The following DAB1 variants were observed in gnomAD, a reference collection of about 807,000 sequenced individuals.
DAB1 encodes the protein disabled homolog 1.
Under a neutral mutation model 64.6 loss-of-function variants are expected in DAB1, and 15 were observed. The ratio of observed to expected loss-of-function variants is 0.23; its 90% CI spans 0.16 to 0.36. DAB1 has a LOEUF of 0.36. DAB1 is among the 10% of genes least tolerant of loss of function. The pLI is 1.00. For synonymous variants in DAB1, 235 were observed against 251.9 expected (o/e 0.93, Z 0.64); for missense variants, 596 against 706.7 (o/e 0.84, Z 1.78).
At chr1:58,106,842 C>T (rs889684471) in intron 5 of DAB1, among the ~76,000 whole-genome samples, 1 of 130,326 alleles carries the variant, frequency 7.7e-6, no homozygotes, top group African/African-American at 3.1e-5. Context: ...CTCCCTCCTT[C>T]ATCCCTCCCT....
intron 10 of DAB1, 30 bp from the exon 11 acceptor site, chr1:57,023,669 T>G: frequency 7.0e-7 from 1 of 1,435,656 alleles, no homozygotes; most frequent in Non-Finnish European, 9.8e-7. Flanking sequence ...AGAGGACACA[T>G]GAGACCTGGC....
At chr1:58,310,249 A>G (rs1214046269) in intron 4 of DAB1, among the ~76,000 whole-genome samples, 2 of 152,176 alleles carry the variant, frequency 1.3e-5, no homozygotes, top group Non-Finnish European at 2.9e-5. Context: ...TTCTTCACAT[A>G]TAAGTTTTCT....
chr1:58,068,463 T>C (rs1015570560), intron 5 of DAB1, among the ~76,000 whole-genome samples: 4 of 152,132 alleles, frequency 2.6e-5, no homozygotes, highest in African/African-American at 9.7e-5. Flanking sequence ...AGAAAGATTA[T>C]AGGTTAAAAG....
chr1:57,310,409 G>A (rs1216217279), intron 1 of DAB1, among the ~76,000 whole-genome samples: 1 of 152,174 alleles, frequency 6.6e-6, no homozygotes, highest in East Asian at 1.9e-4. Context: ...GGAGATACTA[G>A]TATGGGACAC....
At chr1:57,187,752 T>C (rs1663719810) in intron 2 of DAB1, among the ~76,000 whole-genome samples, 1 of 151,072 alleles carries the variant, frequency 6.6e-6, no homozygotes, top group African/African-American at 2.5e-5. Context: ...GCTGGGATTC[T>C]ACTCAAAGTA....
chr1:58,380,220 T>G (rs111884010), intron 3 of DAB1, among the ~76,000 whole-genome samples: 2,152 of 152,288 alleles, frequency 0.014, 51 homozygotes, highest in African/African-American at 0.049. Context: ...GGGAGGTAAT[T>G]GGATCATGGG....
intron 3 of DAB1, among the ~76,000 whole-genome samples, chr1:58,414,910 T>A (rs1447114737): frequency 6.6e-6 from 1 of 152,144 alleles, no homozygotes; most frequent in Middle Eastern, 3.2e-3. Context: ...AAAATAAAAA[T>A]TTTAATAATA....
chr1:57,260,861 T>C (rs1670130279), intron 2 of DAB1, among the ~76,000 whole-genome samples: 1 of 152,196 alleles, frequency 6.6e-6, no homozygotes, highest in African/African-American at 2.4e-5. Context: ...AGTTGGTTTC[T>C]ACTGTAGAGC....
Position 56,997,577 on chromosome 1 carries a change from A to AG in DAB1, c.*566dup, listed in dbSNP as rs1472055455. ...TTTTCAAACATGACAAAAAAAGGAA[A>AG]GGGGGGAAAATGGCAGACCAGGCCC... On this transcript the variant is annotated 3_prime_UTR_variant, in exon 15 of 15. Coordinates refer to ENST00000371236, the MANE Select transcript of DAB1 (RefSeq NM_001365792.1). 6.6e-6 allele frequency: 1 copy of AG among 152,318 alleles called. No homozygotes were observed. Among genetic ancestry groups the AG allele is most frequent in the African/African-American group, 2.4e-5 (1 of 41,564 alleles). The allele number at this position is 152,318 out of a possible 1,614,324, so 9.4% of individuals were successfully genotyped here. A position where few individuals can be genotyped will look rare whatever the true frequency, so the allele number is the denominator to read the frequency against.
At chr1:57,428,637 T>C (rs964196111), upstream of DAB1, among the ~76,000 whole-genome samples, 2 of 152,150 alleles carry the variant, frequency 1.3e-5, no homozygotes, top group Non-Finnish European at 2.9e-5. Flanking sequence ...AGTGCAGATA[T>C]CTCCTTGAGA....
At chr1:57,632,781 T>TTAAA (rs1250970209) in intron 7 of DAB1, among the ~76,000 whole-genome samples, 1 of 152,152 alleles carries the variant, frequency 6.6e-6, no homozygotes, top group Non-Finnish European at 1.5e-5. Flanking sequence ...GAAGAAAATG[T>TTAAA]TAAAATAATA....
chr1:57,955,850 A>G (rs1373453856), intron 5 of DAB1, among the ~76,000 whole-genome samples: 1 of 152,182 alleles, frequency 6.6e-6, no homozygotes, highest in Non-Finnish European at 1.5e-5. Context: ...AAAAACACAA[A>G]TTAATATTTG....
chr1:57,127,827 A>C (rs970730765), intron 4 of DAB1, among the ~76,000 whole-genome samples: 1 of 152,200 alleles, frequency 6.6e-6, no homozygotes, highest in Non-Finnish European at 1.5e-5. Flanking sequence ...CCTGGCAATC[A>C]GTACTCAACA....
intron 4 of DAB1, among the ~76,000 whole-genome samples, chr1:58,208,741 C>T (rs978654646): frequency 6.6e-6 from 1 of 152,148 alleles, no homozygotes; most frequent in Non-Finnish European, 1.5e-5. Context: ...AATGGTGCTG[C>T]TACAAACGTG....
chr1:57,917,332 G>T (rs151067353), intron 5 of DAB1, among the ~76,000 whole-genome samples: 1 of 152,148 alleles, frequency 6.6e-6, no homozygotes, highest in Non-Finnish European at 1.5e-5. Context: ...GGTGTCAGCC[G>T]ACTGTACTTT....
chr1:57,695,282 A>AGAG (rs1557427595), intron 6 of DAB1, among the ~76,000 whole-genome samples: 2 of 105,748 alleles, frequency 1.9e-5, no homozygotes, highest in African/African-American at 4.1e-5. Context: ...GGAAGGAAGG[A>AGAG]AGAAAGGGAG....
chr1:57,839,765 C>A (rs1238248210), intron 1 of DAB1, among the ~76,000 whole-genome samples: 1 of 152,186 alleles, frequency 6.6e-6, no homozygotes, highest in East Asian at 1.9e-4. Flanking sequence ...CTACTCTGCT[C>A]TTGTCAATCC....
intron 7 of DAB1, among the ~76,000 whole-genome samples, chr1:57,575,123 G>C (rs960047880): frequency 3.3e-5 from 5 of 152,162 alleles, no homozygotes; most frequent in Non-Finnish European, 7.3e-5. Flanking sequence ...GGAGCACCAG[G>C]AACTGAGTGG....
chr1:57,128,118 G>T (rs1380222152), intron 4 of DAB1, among the ~76,000 whole-genome samples: 1 of 151,754 alleles, frequency 6.6e-6, no homozygotes, highest in Admixed American at 6.6e-5. Flanking sequence ...TGGCACTCCA[G>T]CCTGGGAGAT....
Sources: gnomAD v4.1 joint callset for allele counts (sites outside exome capture counted in the v4.1 genomes callset) on GRCh38, gnomAD v4.1.1 for gene constraint, MANE v1.5 for transcripts, NCBI Gene and HGNC (gene_info 2026-07-23, HGNC 2026-07-21) for gene names.